The following TMPRSS15 variants were observed in gnomAD, a reference collection of about 807,000 sequenced individuals.
The protein encoded by TMPRSS15 is transmembrane serine protease 15.
In TMPRSS15, 128 loss-of-function variants were observed where a neutral mutation model predicts 125.3. The observed-to-expected ratio is 1.02, with a 90% CI of 0.89 to 1.18. The LOEUF (loss-of-function observed/expected upper bound fraction) is 1.18, where lower values mean the gene tolerates loss of function less well. Ranked by LOEUF, TMPRSS15 falls within the 50% of genes most tolerant of loss-of-function variation. The pLI is 0.00. For synonymous variants in TMPRSS15, 446 were observed against 423.2 expected (o/e 1.05, Z -0.66); for missense variants, 1,283 against 1,212.7 (o/e 1.06, Z -0.86).
intron 11 of TMPRSS15, 61 bp from the exon 12 acceptor site, chr21:18,343,717 G>A: frequency 6.5e-7 from 1 of 1,539,844 alleles, no homozygotes; most frequent in Non-Finnish European, 8.9e-7. Flanking sequence ...GTCCTTTTCA[G>A]AGCTTTTCTA....
intron 14 of TMPRSS15, among the ~76,000 whole-genome samples, chr21:18,330,244 A>C (rs1361212941): frequency 1.3e-5 from 2 of 152,152 alleles, no homozygotes. Flanking sequence ...CCTTGCCACC[A>C]CAACAGGAGT....
intron 23 of TMPRSS15, among the ~76,000 whole-genome samples, chr21:18,277,851 T>A (rs1359685235): frequency 6.6e-6 from 1 of 152,224 alleles, no homozygotes; most frequent in African/African-American, 2.4e-5. Flanking sequence ...TTATTATTTA[T>A]GAGTGGTTAA....
At chr21:18,284,210 T>C (rs1213450191) in intron 21 of TMPRSS15, among the ~76,000 whole-genome samples, 1 of 152,192 alleles carries the variant, frequency 6.6e-6, no homozygotes, top group East Asian at 1.9e-4. Flanking sequence ...CTTTCTGTCA[T>C]GCACTTAACT....
chr21:18,484,163 T>C (rs947102569), intron 1 of TMPRSS15, among the ~76,000 whole-genome samples: 2 of 151,878 alleles, frequency 1.3e-5, no homozygotes, highest in African/African-American at 4.8e-5. Flanking sequence ...TGCTTTCTGG[T>C]GAACTAGGAA....
At chr21:18,325,654 G>GT (rs2075280971) in intron 16 of TMPRSS15, among the ~76,000 whole-genome samples, 1 of 151,920 alleles carries the variant, frequency 6.6e-6, no homozygotes, top group African/African-American at 2.4e-5. Context: ...CATATATTCT[G>GT]TTTTTCTGAC....
chr21:18,366,573 GT>G (rs1334928792), intron 6 of TMPRSS15, among the ~76,000 whole-genome samples: 3 of 151,760 alleles, frequency 2.0e-5, no homozygotes, highest in Non-Finnish European at 4.4e-5. Context: ...AGAGATTTTT[GT>G]TTTTTTCATA....
intron 18 of TMPRSS15, 79 bp downstream of exon 18, chr21:18,312,866 A>G (rs1020617709): frequency 1.5e-5 from 23 of 1,551,622 alleles, no homozygotes; most frequent in Admixed American, 3.5e-5. Flanking sequence ...ATAAATTTTA[A>G]AGCTCTTATT....
At chr21:18,404,489 T>C (rs191125341), upstream of TMPRSS15, among the ~76,000 whole-genome samples, 480 of 152,286 alleles carry the variant, frequency 3.2e-3, 1 homozygote, top group Non-Finnish European at 4.9e-3. Context: ...ATAATCATAG[T>C]TATAGTTGTA....
At chr21:18,305,143 A>C (rs1705012092) in intron 18 of TMPRSS15, among the ~76,000 whole-genome samples, 1 of 150,434 alleles carries the variant, frequency 6.6e-6, no homozygotes, top group Admixed American at 6.6e-5. Flanking sequence ...TTTTGGGTTC[A>C]ATAGGCCAGA....
intron 21 of TMPRSS15, among the ~76,000 whole-genome samples, chr21:18,292,378 T>G (rs2074848880): frequency 6.6e-6 from 1 of 152,224 alleles, no homozygotes; most frequent in Non-Finnish European, 1.5e-5. Context: ...AATTCCTTCC[T>G]GTGTGAGATC....
chr21:18,460,119 CA>C (rs2123273144), intron 1 of TMPRSS15, among the ~76,000 whole-genome samples: 1 of 152,036 alleles, frequency 6.6e-6, no homozygotes, highest in South Asian at 2.1e-4. Flanking sequence ...ATAATTTTGC[CA>C]CTTTCCTGTA....
At chr21:18,443,386 T>C (rs952995294) in intron 1 of TMPRSS15, among the ~76,000 whole-genome samples, 5 of 151,930 alleles carry the variant, frequency 3.3e-5, no homozygotes, top group African/African-American at 1.2e-4. Flanking sequence ...CAGGAGAACC[T>C]CTCCAACACA....
In TMPRSS15 at chr21:18,343,954, C is replaced by G; in HGVS notation, c.1277+1G>C. On this transcript the variant is annotated splice_donor_variant, in intron 11 of 24. Transcript: ENST00000284885. LOFTEE classifies it high-confidence loss of function. Reference sequence around the variant, plus strand: ...CGTTTAAACAGGTGTCTACAACATACCAGAAACTAAGGCAAGCTGGCTCCA... The same window carrying G: ...CGTTTAAACAGGTGTCTACAACATAGCAGAAACTAAGGCAAGCTGGCTCCA... 1 of 1,613,714 alleles carries G rather than the reference C, an allele frequency of 6.2e-7. No homozygotes were observed. The highest frequency in any genetic ancestry group is 1.1e-5 in the South Asian group (1 of 91,068).
chr21:18,449,508 A>G (rs1428328529), intron 1 of TMPRSS15, among the ~76,000 whole-genome samples: 2 of 152,078 alleles, frequency 1.3e-5, no homozygotes, highest in African/African-American at 2.4e-5. Flanking sequence ...ATCCAATGCT[A>G]TTACTTACTG....
chr21:18,360,360 CTTTTG>C (rs2075668669), intron 7 of TMPRSS15, among the ~76,000 whole-genome samples: 1 of 151,928 alleles, frequency 6.6e-6, no homozygotes, highest in African/African-American at 2.4e-5. Flanking sequence ...TTCTTTTTAC[CTTTTG>C]TTTATTGTAA....
intron 1 of TMPRSS15, among the ~76,000 whole-genome samples, chr21:18,468,430 TATA>T (rs1156779286): frequency 2.0e-5 from 3 of 152,166 alleles, no homozygotes; most frequent in African/African-American, 7.2e-5. Flanking sequence ...ATTCATTATC[TATA>T]ATGTCTTTCA....
intron 16 of TMPRSS15, among the ~76,000 whole-genome samples, chr21:18,324,826 C>T (rs1428254577): frequency 6.6e-6 from 1 of 152,010 alleles, no homozygotes; most frequent in African/African-American, 2.4e-5. Flanking sequence ...GTCCATCACC[C>T]TTCTATACTT....
At chr21:18,420,680 G>A (rs544558299) in intron 1 of TMPRSS15, among the ~76,000 whole-genome samples, 3 of 152,264 alleles carry the variant, frequency 2.0e-5, no homozygotes, top group South Asian at 2.1e-4. Flanking sequence ...GTTAAGTTCC[G>A]TTAAGAGAGT....
chr21:18,430,957 A>G (rs906541243), intron 1 of TMPRSS15, among the ~76,000 whole-genome samples: 1 of 152,210 alleles, frequency 6.6e-6, no homozygotes, highest in African/African-American at 2.4e-5. Context: ...ATGTGCTCCA[A>G]AACTCTACAC....
Sources: allele counts gnomAD v4.1 joint callset (sites outside exome capture counted in the v4.1 genomes callset), GRCh38; gene constraint gnomAD v4.1.1; transcripts MANE v1.5; gene names NCBI Gene and HGNC (gene_info 2026-07-23, HGNC 2026-07-21).